The following UBA6 variants were observed in gnomAD, a reference collection of about 807,000 sequenced individuals.
UBA6 encodes the protein ubiquitin like modifier activating enzyme 6, also known as ubiquitin-like modifier-activating enzyme 6.
A neutral mutation model predicts 148.3 loss-of-function variants in UBA6; 87 were observed. The observed-to-expected ratio is 0.59, with a 90% CI of 0.49 to 0.70. The LOEUF (loss-of-function observed/expected upper bound fraction) is 0.70. Ranked by LOEUF, UBA6 falls within the 30% of genes least tolerant of loss-of-function variation. UBA6 has a pLI of 0.00. For synonymous variants in UBA6, 376 were observed against 401.0 expected, an observed-to-expected ratio of 0.94 and a Z score of 0.75; for missense variants, 1,186 against 1,241.2, an observed-to-expected ratio of 0.96 and a Z score of 0.67.
intron 16 of UBA6, among the ~76,000 whole-genome samples, chr4:67,645,405 C>A (rs930309716): frequency 2.0e-5 from 3 of 152,032 alleles, no homozygotes; most frequent in African/African-American, 4.8e-5. Flanking sequence ...TCGAGACCAG[C>A]CTAGCCAATA....
chr4:67,639,056 G>T lies in UBA6; in HGVS notation c.1623C>A (p.His541Gln). Residue 541 changes from histidine to glutamine, a missense_variant, in exon 19 of 33, where the codon CAC becomes CAA. Transcript: ENST00000322244. Reference protein sequence around the residue: ...KINSQIKIDAHLNKVCPTTET... With the variant: ...KINSQIKIDAQLNKVCPTTET... ...CAGTGGTTGGACATACTTTGTTCAG[G>T]TGTGCATCTATCTTTATTTGAGAAT... The T allele has an allele frequency of 6.2e-7, 1 of 1,613,404 alleles. No individual in the cohort carries two copies. Among genetic ancestry groups the T allele is most frequent in the South Asian group, 1.1e-5 (1 of 91,058 alleles).
chr4:67,686,920 C>T (rs1730578748), intron 2 of UBA6, among the ~76,000 whole-genome samples: 1 of 124,392 alleles, frequency 8.0e-6, no homozygotes. Context: ...CGCCACTGCC[C>T]CCAAGCCTGG....
Position 67,636,892 on chromosome 4 carries a change from A to G in UBA6, c.1737-1334T>C, listed in dbSNP as rs1438532231. On this transcript the variant is annotated intron_variant, in intron 19 of 32. Coordinates refer to ENST00000322244, the MANE Select transcript of UBA6 (RefSeq NM_018227.6). ...GAGGAGCCCCTCTGCCCGGCTGCCC[A>G]GTCTGGGAAGTGAGGAGCGCCTCTT... 1.0e-4 allele frequency among the ~76,000 whole-genome samples: 14 copies of G among 136,762 alleles called. 1 individual carries two copies. The East Asian group carries it at 2.5e-3, about 24-fold the overall frequency. 89.7% of individuals were successfully genotyped at this position (136,762 alleles called of 152,430 possible). A position where few individuals can be genotyped will look rare whatever the true frequency, so the allele number is the denominator to read the frequency against.
chr4:67,670,210 C>T (rs1020580167), intron 8 of UBA6, among the ~76,000 whole-genome samples: 3 of 152,160 alleles, frequency 2.0e-5, no homozygotes, highest in African/African-American at 7.2e-5. Flanking sequence ...TCCAAAAGTG[C>T]TGGGATTGTA....
At chr4:67,639,647 T>C (rs537938425) in intron 18 of UBA6, among the ~76,000 whole-genome samples, 1 of 152,314 alleles carries the variant, frequency 6.6e-6, no homozygotes, top group South Asian at 2.1e-4. Context: ...TAGTTCCTCA[T>C]CTGCCTTCCA....
chr4:67,687,360 T>A (rs1730598035), intron 2 of UBA6, among the ~76,000 whole-genome samples: 1 of 152,092 alleles, frequency 6.6e-6, no homozygotes, highest in East Asian at 1.9e-4. Context: ...TATAAAATAT[T>A]ATTATTCCTA....
intron 2 of UBA6, among the ~76,000 whole-genome samples, chr4:67,686,951 C>CT (rs1730580791): frequency 9.4e-5 from 2 of 21,286 alleles, no homozygotes; most frequent in African/African-American, 2.0e-4. Context: ...GATCCTGTCT[C>CT]TAAAAAAAAA....
Position 67,670,564 on chromosome 4 carries a change from C to T in UBA6, c.575G>A (p.Trp192Ter), listed in dbSNP as rs1381103484. 1 of 1,611,354 alleles carries T rather than the reference C, an allele frequency of 6.2e-7. No homozygotes were observed. Among genetic ancestry groups the T allele is most frequent in the Admixed American group, 1.7e-5 (1 of 59,966 alleles). The change falls in exon 8 of 33, where the codon TGG becomes TAG. Residue 192 changes from tryptophan (W) to a stop codon, truncating the protein, a stop_gained. Coordinates refer to ENST00000322244, the MANE Select transcript of UBA6 (RefSeq NM_018227.6). LOFTEE classifies it high-confidence loss of function. ...KFISADVHGIWSRLFCDFGDE... is the reference protein window; with the variant it reads ...KFISADVHGI ...ACCGAAATCACAAAATAACCTTGAC[C>T]AAATTCCATGTACATCTGCACTGAT...
intron 13 of UBA6, among the ~76,000 whole-genome samples, chr4:67,660,956 T>C (rs1729836056): frequency 6.6e-6 from 1 of 152,154 alleles, no homozygotes; most frequent in Non-Finnish European, 1.5e-5. Context: ...AACCTTAAGA[T>C]TTAATGATTG....
At chr4:67,636,887 T>C (rs1729161225) in intron 19 of UBA6, among the ~76,000 whole-genome samples, 1 of 140,046 alleles carries the variant, frequency 7.1e-6, no homozygotes, top group Non-Finnish European at 1.5e-5. Flanking sequence ...TCTGCCCGGC[T>C]GCCCAGTCTG....
Position 67,668,672 on chromosome 4 carries a change from T to C in UBA6, c.672A>G (p.Ala224=), listed in dbSNP as rs1194882888. 2.5e-6 allele frequency: 4 copies of C among 1,612,136 alleles called. No homozygotes were observed. ...CAAGGCAAGTAACAATGCCAGGATTTGCCTAAAAATAAGAGTAATCTATTA... is the reference window on the plus strand; with the variant it reads ...CAAGGCAAGTAACAATGCCAGGATTCGCCTAAAAATAAGAGTAATCTATTA... ...KEIFISNITQ[A]NPGIVTCLEN... The change falls in exon 9 of 33, where the codon GCA becomes GCG. Residue 224 remains alanine, a splice_region_variant and synonymous_variant. Transcript: ENST00000322244.
At chr4:67,630,612 C>T (rs1034144382) in intron 25 of UBA6, 77 bp from the exon 26 acceptor site, 1 of 868,992 alleles carries the variant, frequency 1.2e-6, no homozygotes, top group African/African-American at 1.8e-5. Flanking sequence ...TGAACTATAG[C>T]CTTTAAATGT....
rs1472552664 is a variant in UBA6, at chr4:67,681,574, C to A, written c.247G>T (p.Ala83Ser). The A allele has an allele frequency of 3.2e-6, 5 of 1,577,444 alleles. No individual in the cohort carries two copies. The highest frequency in any genetic ancestry group is 4.3e-6 in the Non-Finnish European group (5 of 1,167,830). ...GLEIAKNLVL[A>S]GIKAVTIHDT... Reference sequence around the variant, plus strand: ...GGACATTTACTTACCTTAATCCCTGCAAGAACAAGATTCTTTGCTAGAAAG... The same window carrying A: ...GGACATTTACTTACCTTAATCCCTGAAAGAACAAGATTCTTTGCTAGAAAG... Residue 83 changes from alanine to serine, a missense_variant, in exon 4 of 33, where the codon GCA (alanine) becomes TCA (serine). Ala to Ser is a moderately conservative substitution (Grantham distance 99). Transcript: ENST00000322244.
chr4:67,626,301 G>A (rs1728865597), intron 28 of UBA6, 59 bp downstream of exon 28: 4 of 951,172 alleles, frequency 4.2e-6, no homozygotes, highest in South Asian at 2.7e-5. Flanking sequence ...TAGGTGTAGA[G>A]CTTAGTGAAA....
At chr4:67,682,045 G>T in intron 3 of UBA6, 74 bp downstream of exon 3, 1 of 1,088,358 alleles carries the variant, frequency 9.2e-7, no homozygotes, top group Non-Finnish European at 1.4e-6. Context: ...AAATATAAGG[G>T]GATGAAGTTA....
In UBA6 at chr4:67,618,000, T is replaced by C. The variant is rs1418330571; in HGVS notation, c.*997A>G. ...TTTTTATCTTCATTAACTCCCTTTC[T>C]GGGAATGGGAATGAAATAACATGCT... On this transcript the variant is annotated 3_prime_UTR_variant, in exon 33 of 33. Coordinates refer to ENST00000322244, the MANE Select transcript of UBA6 (RefSeq NM_018227.6). The C allele has an allele frequency of 2.8e-5, 4 of 143,888 alleles. No homozygotes were observed. The highest frequency in any genetic ancestry group is 6.0e-5 in the Non-Finnish European group (4 of 66,228). The allele number at this position is 143,888 out of a possible 1,614,324, so 8.9% of individuals were successfully genotyped here.
intron 1 of UBA6, among the ~76,000 whole-genome samples, chr4:67,698,577 A>G (rs1313685507): frequency 1.3e-5 from 2 of 152,220 alleles, no homozygotes; most frequent in Non-Finnish European, 2.9e-5. Flanking sequence ...TGGCACTGCC[A>G]GGATCTGAAC....
chr4:67,665,421 T>C (rs1197619229), intron 9 of UBA6, 129 bp from the exon 10 acceptor site: 2 of 515,504 alleles, frequency 3.9e-6, no homozygotes, highest in Non-Finnish European at 6.5e-6. Flanking sequence ...GTGTTTTTTT[T>C]TGTTTGTTTG....
chr4:67,687,276 C>T (rs535149246), intron 2 of UBA6, among the ~76,000 whole-genome samples: 51 of 152,038 alleles, frequency 3.4e-4, no homozygotes, highest in African/African-American at 9.2e-4. Flanking sequence ...CCTTGTCATC[C>T]GCCTGCCTCA....
Sources: gnomAD v4.1 joint callset for allele counts (sites outside exome capture counted in the v4.1 genomes callset) on GRCh38, gnomAD v4.1.1 for gene constraint, MANE v1.5 for transcripts, NCBI Gene and HGNC (gene_info 2026-07-23, HGNC 2026-07-21) for gene names.